The following NRXN3 variants were observed in gnomAD, a reference collection of about 807,000 sequenced individuals.
NRXN3 encodes the protein neurexin III.
A neutral mutation model predicts 137.6 loss-of-function variants in NRXN3; 32 were observed. The observed-to-expected ratio is 0.23, with a 90% confidence interval of 0.18 to 0.31. The LOEUF is 0.31. Among genes scored for constraint, NRXN3 ranks in the 10% least tolerant of loss-of-function variants. The pLI, the probability that NRXN3 is intolerant of heterozygous loss-of-function variation, is 1.00. For missense variants in NRXN3, 1,574 were observed against 2,062.5 expected, an observed-to-expected ratio of 0.76 and a Z score of 4.59; for synonymous variants, 798 against 784.5, an observed-to-expected ratio of 1.02 and a Z score of -0.29.
At chr14:78,682,854 C>A (rs2152747053) in intron 6 of NRXN3, among the ~76,000 whole-genome samples, 1 of 152,278 alleles carries the variant, frequency 6.6e-6, no homozygotes, top group Middle Eastern at 3.4e-3. Context: ...TATAGTCAGT[C>A]ATTATGTTCC....
rs542277800 is a variant in NRXN3 at position 79,810,267 on chromosome 14, A to C, written c.4093+5077A>C. Among the ~76,000 whole-genome samples the C allele has an allele frequency of 1.1e-3, 163 of 152,274 alleles. 2 individuals are homozygous for C. The highest frequency in any genetic ancestry group is 1.7e-3 in the African/African-American group (71 of 41,556). ...AATACTTAACCACATTGATTCATCC[A>C]GTCGTTATCCAGGGGTATATTTTTC... On this transcript the variant is annotated intron_variant, in intron 20 of 20. Transcript: ENST00000335750.
Position 78,236,732 on chromosome 14 carries a change from C to CG in NRXN3, c.-703-5659_-703-5658insG, listed in dbSNP as rs1033940571. Among the ~76,000 whole-genome samples the CG allele has an allele frequency of 1.5e-3, 215 of 141,154 alleles. 3 individuals carry two copies. The highest frequency in any genetic ancestry group is 1.1e-3 in the Non-Finnish European group (73 of 64,316). The allele number at this position is 141,154 out of a possible 152,430, so 92.6% of individuals were successfully genotyped here. A position where few individuals can be genotyped will look rare whatever the true frequency, so the allele number is the denominator to read the frequency against. On this transcript the variant is annotated intron_variant, in intron 1 of 20. Transcript: ENST00000335750. ...TGCCCTATGAGATAGGTATTATTCCCCCCCCCCTTTTTTTTGATGAAGAAA... is the reference window on the plus strand; with the variant it reads ...TGCCCTATGAGATAGGTATTATTCCCGCCCCCCCTTTTTTTTGATGAAGAAA...
chr14:78,781,965 T>G (rs1236780901), intron 8 of NRXN3, among the ~76,000 whole-genome samples: 2 of 152,176 alleles, frequency 1.3e-5, no homozygotes, highest in African/African-American at 4.8e-5. Context: ...CCAAACAGAT[T>G]TTCCATCCTT....
intron 19 of NRXN3, among the ~76,000 whole-genome samples, chr14:79,780,450 A>AC (rs1325875240): frequency 2.0e-5 from 3 of 151,456 alleles, no homozygotes; most frequent in Admixed American, 2.0e-4. Context: ...AATACAAAAA[A>AC]AAAACAAAAT....
intron 10 of NRXN3, among the ~76,000 whole-genome samples, chr14:78,886,866 C>T (rs1197637861): frequency 2.0e-5 from 3 of 152,132 alleles, no homozygotes; most frequent in Non-Finnish European, 4.4e-5. Flanking sequence ...GGAAAGACCA[C>T]TTCATGGTGA....
At chr14:79,841,028 A>G (rs931718582) in intron 20 of NRXN3, among the ~76,000 whole-genome samples, 5 of 152,204 alleles carry the variant, frequency 3.3e-5, no homozygotes, top group African/African-American at 1.2e-4. Flanking sequence ...AAATAAGCTT[A>G]TGATGTGTGT....
At chr14:78,981,756 C>T (rs1215587722) in intron 14 of NRXN3, among the ~76,000 whole-genome samples, 1 of 152,046 alleles carries the variant, frequency 6.6e-6, no homozygotes, top group Non-Finnish European at 1.5e-5. Flanking sequence ...TATTTTATAT[C>T]AATAGATGTT....
At chr14:79,809,485 T>C (rs1378669273) in intron 20 of NRXN3, among the ~76,000 whole-genome samples, 3 of 152,154 alleles carry the variant, frequency 2.0e-5, no homozygotes, top group Non-Finnish European at 4.4e-5. Flanking sequence ...CTTTTTCCTA[T>C]CCCTACCTTT....
intron 15 of NRXN3, among the ~76,000 whole-genome samples, chr14:79,090,899 A>T (rs2049035076): frequency 6.6e-6 from 1 of 152,154 alleles, no homozygotes; most frequent in African/African-American, 2.4e-5. Flanking sequence ...TAATGGAAAC[A>T]TAAAGCCCCA....
intron 4 of NRXN3, among the ~76,000 whole-genome samples, chr14:78,506,520 A>G (rs1437961041): frequency 6.6e-6 from 1 of 152,012 alleles, no homozygotes. Flanking sequence ...AGCTCATACT[A>G]CATTCCTACC....
chr14:78,406,937 G>A (rs2092523266), intron 4 of NRXN3, among the ~76,000 whole-genome samples: 1 of 152,158 alleles, frequency 6.6e-6, no homozygotes, highest in African/African-American at 2.4e-5. Context: ...ATTGATGTCA[G>A]CTCTTGGCTA....
chr14:78,666,834 C>A (rs1454533246), intron 6 of NRXN3, among the ~76,000 whole-genome samples: 2 of 152,138 alleles, frequency 1.3e-5, no homozygotes, highest in African/African-American at 4.8e-5. Flanking sequence ...TTGGAAACAT[C>A]CAGTGCCCAG....
At chr14:79,393,453 A>C (rs899523409) in intron 15 of NRXN3, among the ~76,000 whole-genome samples, 2 of 152,250 alleles carry the variant, frequency 1.3e-5, no homozygotes, top group African/African-American at 4.8e-5. Flanking sequence ...GTAGTGGATT[A>C]AATGAGATTG....
At chr14:78,245,748 C>A (rs1024107401) in intron 2 of NRXN3, among the ~76,000 whole-genome samples, 8 of 152,218 alleles carry the variant, frequency 5.3e-5, no homozygotes, top group South Asian at 2.1e-4. Flanking sequence ...CCACTCCTTT[C>A]TTCTAATGGG....
intron 16 of NRXN3, among the ~76,000 whole-genome samples, chr14:79,548,039 AT>A (rs966295729): frequency 1.2e-4 from 18 of 151,712 alleles, no homozygotes; most frequent in Non-Finnish European, 1.9e-4. Flanking sequence ...TTAACTATTA[AT>A]TTTTTTTATT....
At chr14:79,794,401 A>C (rs2099154876) in intron 19 of NRXN3, among the ~76,000 whole-genome samples, 1 of 152,006 alleles carries the variant, frequency 6.6e-6, no homozygotes, top group Non-Finnish European at 1.5e-5. Flanking sequence ...AAAACAAAAA[A>C]AAAACAAGAA....
At chr14:78,781,329 A>G (rs1327625345) in intron 8 of NRXN3, among the ~76,000 whole-genome samples, 2 of 152,202 alleles carry the variant, frequency 1.3e-5, no homozygotes, top group Non-Finnish European at 2.9e-5. Context: ...ATATTGACCT[A>G]TGCCTGTAAT....
intron 4 of NRXN3, among the ~76,000 whole-genome samples, chr14:78,613,481 T>C (rs980057224): frequency 3.9e-5 from 6 of 152,038 alleles, no homozygotes; most frequent in African/African-American, 1.2e-4. Flanking sequence ...GCTATTGGAA[T>C]TTTGGAACTT....
At chr14:79,795,913 C>T (rs1285863518) in intron 19 of NRXN3, among the ~76,000 whole-genome samples, 1 of 151,628 alleles carries the variant, frequency 6.6e-6, no homozygotes, top group Non-Finnish European at 1.5e-5. Context: ...AGAGGGAAGG[C>T]ATGAGGGAGG....
Sources: allele counts gnomAD v4.1 joint callset (sites outside exome capture counted in the v4.1 genomes callset), GRCh38; gene constraint gnomAD v4.1.1; transcripts MANE v1.5; gene names NCBI Gene and HGNC (gene_info 2026-07-23, HGNC 2026-07-21).